Variants in SLC39A11 observed in about 807,000 individuals in gnomAD.
SLC39A11 encodes zinc transporter ZIP11.
A neutral mutation model predicts 36.1 loss-of-function variants in SLC39A11; 33 were observed. The observed-to-expected ratio is 0.91, with a 90% CI of 0.69 to 1.22. The LOEUF (loss-of-function observed/expected upper bound fraction) is 1.22. Among genes scored for constraint, SLC39A11 ranks in the 50% most tolerant of loss-of-function variants. The pLI is 0.00. For synonymous variants in SLC39A11, 166 were observed against 170.3 expected (o/e 0.97, Z 0.20); for missense variants, 432 against 430.3 (o/e 1.00, Z -0.03).
intron 7 of SLC39A11, among the ~76,000 whole-genome samples, chr17:72,672,239 A>G (rs2071054660): frequency 6.6e-6 from 1 of 152,218 alleles, no homozygotes; most frequent in Admixed American, 6.5e-5. Flanking sequence ...ACTTCAGGCC[A>G]GGAGTTCGAG....
At chr17:72,987,118 A>G (rs1000545446) in intron 4 of SLC39A11, among the ~76,000 whole-genome samples, 1 of 152,174 alleles carries the variant, frequency 6.6e-6, no homozygotes, top group East Asian at 1.9e-4. Flanking sequence ...TCAGGAGAGC[A>G]CTGGTTGTTT....
intron 3 of SLC39A11, among the ~76,000 whole-genome samples, chr17:73,033,272 C>T (rs140449188): frequency 2.4e-4 from 37 of 152,252 alleles, no homozygotes; most frequent in African/African-American, 8.4e-4. Flanking sequence ...GTCCATGGCC[C>T]GGGGATTGGG....
At chr17:72,830,135 C>T (rs2078217187) in intron 6 of SLC39A11, among the ~76,000 whole-genome samples, 1 of 152,196 alleles carries the variant, frequency 6.6e-6, no homozygotes, top group Admixed American at 6.5e-5. Flanking sequence ...AAGCTCCCAG[C>T]AGGCTTCCAG....
chr17:72,911,485 A>G (rs1238288448), intron 5 of SLC39A11, among the ~76,000 whole-genome samples: 3 of 151,408 alleles, frequency 2.0e-5, no homozygotes, highest in Non-Finnish European at 4.4e-5. Context: ...TCACATCTGC[A>G]TCTCTGTAGT....
chr17:72,908,395 C>G (rs779973475), intron 5 of SLC39A11, among the ~76,000 whole-genome samples: 17 of 152,208 alleles, frequency 1.1e-4, no homozygotes, highest in African/African-American at 2.4e-4. Context: ...CTGCTGCAAC[C>G]TGCTAGCCAC....
At chr17:72,796,725 A>G (rs900693087) in intron 6 of SLC39A11, among the ~76,000 whole-genome samples, 2 of 152,290 alleles carry the variant, frequency 1.3e-5, no homozygotes, top group East Asian at 3.9e-4. Context: ...TTCGATGCTG[A>G]CTTAGCACTG....
intron 4 of SLC39A11, among the ~76,000 whole-genome samples, chr17:73,014,535 G>A (rs990118357): frequency 6.6e-5 from 10 of 152,162 alleles, no homozygotes; most frequent in African/African-American, 2.2e-4. Flanking sequence ...AACATGAGCT[G>A]TATCCCAGCT....
intron 6 of SLC39A11, among the ~76,000 whole-genome samples, chr17:72,774,982 T>C (rs2076082488): frequency 6.7e-6 from 1 of 150,334 alleles, no homozygotes; most frequent in African/African-American, 2.5e-5. Context: ...GGAGTAATGG[T>C]GTCTGGCTAC....
chr17:72,700,015 G>A (rs1362396466), intron 7 of SLC39A11, among the ~76,000 whole-genome samples: 1 of 138,928 alleles, frequency 7.2e-6, no homozygotes, highest in Non-Finnish European at 1.6e-5. Flanking sequence ...CCTGACTTAT[G>A]GCAAGATAGA....
chr17:72,866,025 C>T (rs2080284434), intron 5 of SLC39A11, among the ~76,000 whole-genome samples: 2 of 152,260 alleles, frequency 1.3e-5, no homozygotes, highest in South Asian at 2.1e-4. Flanking sequence ...CAGGGGTCCC[C>T]AATACCTGGG....
At position 72,798,214 on chromosome 17, in the gene SLC39A11, A is replaced by T. The variant is rs1378301953; in HGVS notation, c.601+51420T>A. Among the ~76,000 whole-genome samples the T allele has an allele frequency of 7.2e-5, 11 of 152,200 alleles. No homozygotes were observed. The South Asian group carries it at 2.3e-3, about 32-fold the overall frequency. On this transcript the variant is annotated intron_variant, in intron 6 of 9. Coordinates refer to ENST00000255559, the MANE Select transcript of SLC39A11 (RefSeq NM_139177.4). ...TGTGTCTTAGTCTGCTCACGCTGTT[A>T]TAACAAAGTACCACAGACGGAGGGG...
intron 3 of SLC39A11, among the ~76,000 whole-genome samples, 198 bp from the exon 4 acceptor site, chr17:73,031,912 A>T (rs542922858): frequency 1.3e-5 from 2 of 152,274 alleles, no homozygotes; most frequent in African/African-American, 4.8e-5. Context: ...GCAAGAACTC[A>T]ATTTTGGGTA....
At chr17:72,667,624 T>C (rs924179200) in intron 7 of SLC39A11, among the ~76,000 whole-genome samples, 1 of 152,224 alleles carries the variant, frequency 6.6e-6, no homozygotes, top group African/African-American at 2.4e-5. Flanking sequence ...ATGCTACCAA[T>C]GCTATGAAGA....
intron 2 of SLC39A11, among the ~76,000 whole-genome samples, chr17:73,086,158 G>T (rs1363117816): frequency 6.6e-6 from 1 of 152,176 alleles, no homozygotes; most frequent in Admixed American, 6.5e-5. Context: ...GCTCCTGATT[G>T]GAAGGGGCTG....
chr17:72,937,323 C>T (rs138018951), intron 5 of SLC39A11, among the ~76,000 whole-genome samples: 54 of 152,166 alleles, frequency 3.5e-4, no homozygotes, highest in African/African-American at 9.6e-4. Flanking sequence ...GGCATGGTAG[C>T]GCATGCCTGT....
chr17:72,698,888 T>C (rs1225301585), intron 7 of SLC39A11, among the ~76,000 whole-genome samples: 1 of 152,164 alleles, frequency 6.6e-6, no homozygotes, highest in East Asian at 1.9e-4. Flanking sequence ...TGGAGTGCAG[T>C]GGCGTGATCT....
rs113990941 is a variant in SLC39A11, at chr17:72,739,111, G to C, written c.602-2392C>G. 2.0e-5 allele frequency among the ~76,000 whole-genome samples: 3 copies of C among 149,596 alleles called. No individual in the cohort carries two copies. In the East Asian group the frequency reaches 5.8e-4, roughly 29 times the overall value. ...GGGATAGCTGTGATCACTGTAAGCT[G>C]CAGGTTGAGAATTTCGGATTTTTTT... On this transcript the variant is annotated intron_variant, in intron 6 of 9. Coordinates refer to ENST00000255559, the MANE Select transcript of SLC39A11 (RefSeq NM_139177.4).
rs1328957058 is a variant in SLC39A11 at position 72,989,975 on chromosome 17, A to G, written c.306+41581T>C. Among the ~76,000 whole-genome samples, 5 of 152,232 alleles carry G rather than the reference A, an allele frequency of 3.3e-5. No homozygotes were observed. The East Asian group carries it at 9.6e-4, about 29-fold the overall frequency. ...TCGATGAGACGTCATCCTAAACTACACAGCCTAAAAATGGATAATGCTGCA... is the reference window on the plus strand; with the variant it reads ...TCGATGAGACGTCATCCTAAACTACGCAGCCTAAAAATGGATAATGCTGCA... On this transcript the variant is annotated intron_variant, in intron 4 of 9. Coordinates refer to ENST00000255559, the MANE Select transcript of SLC39A11 (RefSeq NM_139177.4).
chr17:72,849,809 G>C lies in SLC39A11; in HGVS notation c.431-5C>G. 2.9e-6 allele frequency: 4 copies of C among 1,370,042 alleles called. No homozygotes were observed. Among genetic ancestry groups the C allele is most frequent in the African/African-American group, 2.1e-5 (1 of 47,212 alleles). 84.9% of individuals were successfully genotyped at this position (1,370,042 alleles called of 1,614,324 possible). On this transcript the variant is annotated splice_region_variant and splice_polypyrimidine_tract_variant and intron_variant, in intron 5 of 9. Transcript: ENST00000255559. The stretch of plus-strand genomic sequence containing the variant: ...CCTCACCATTCTCACTCTTGTCTGA[G>C]CAAAAAAAAAAAAAAAGAGAGATGG...
Sources: allele counts gnomAD v4.1 joint callset (sites outside exome capture counted in the v4.1 genomes callset), GRCh38; gene constraint gnomAD v4.1.1; transcripts MANE v1.5; gene names NCBI Gene and HGNC (gene_info 2026-07-23, HGNC 2026-07-21).